Variants in PDZD2 observed in about 807,000 individuals in gnomAD.
PDZD2 encodes PDZ domain containing 2.
A neutral mutation model predicts 220.7 loss-of-function variants in PDZD2; 90 were observed. That is an observed-to-expected ratio of 0.41 (90% CI 0.34 to 0.49). The LOEUF is 0.49. Among genes scored for constraint, PDZD2 ranks in the 20% least tolerant of loss-of-function variants. The pLI is 0.28. For missense variants in PDZD2, 3,174 were observed against 3,608.5 expected (o/e 0.88, Z 3.08); for synonymous variants, 1,375 against 1,450.5 (o/e 0.95, Z 1.18).
At chr5:31,656,081 T>C (rs768460616) in intron 1 of PDZD2, among the ~76,000 whole-genome samples, 4 of 152,370 alleles carry the variant, frequency 2.6e-5, no homozygotes, top group Admixed American at 6.5e-5. Flanking sequence ...GAGTGTGTTC[T>C]TTGTTAATTT....
rs568686372 is a variant in PDZD2, at chr5:32,071,261, G to A, written c.2534-123G>A. ...ACGTCTAACCCTGTGCATGCAGCCC[G>A]TCATCAAGCAAAGGGAGTTTTGTTT... is the stretch of plus-strand genomic sequence containing the variant. On this transcript the variant is annotated intron_variant, in intron 15 of 24. Coordinates refer to ENST00000438447, the MANE Select transcript of PDZD2 (RefSeq NM_178140.4). 1,158 of 767,092 alleles carry A rather than the reference G, an allele frequency of 1.5e-3. 1 individual carries two copies. Among genetic ancestry groups the A allele is most frequent in the Non-Finnish European group, 2.4e-3 (1,015 of 421,698 alleles). 47.5% of individuals were successfully genotyped at this position (767,092 alleles called of 1,614,324 possible).
intron 24 of PDZD2, chr5:32,103,832 AG>A (rs1361592130): frequency 4.2e-4 from 64 of 152,450 alleles, no homozygotes; most frequent in African/African-American, 1.5e-3. Flanking sequence ...ACCCCACACT[AG>A]AAGAAGCCAC....
chr5:32,020,432 C>T lies in PDZD2; in HGVS notation c.1407+9950C>T, dbSNP rs1329193884. Among the ~76,000 whole-genome samples the T allele has an allele frequency of 2.6e-5, 4 of 152,196 alleles. No individual in the cohort carries two copies. The East Asian group carries it at 7.7e-4, about 29-fold the overall frequency. ...GAAGTGGGAACAGGGTAACGTGGCT[C>T]ATTTTTGCATCATGTATCTCAGGAT... On this transcript the variant is annotated intron_variant, in intron 6 of 24. Coordinates refer to ENST00000438447, the MANE Select transcript of PDZD2 (RefSeq NM_178140.4).
chr5:31,838,111 G>A (rs2150279692), intron 2 of PDZD2, among the ~76,000 whole-genome samples: 1 of 152,252 alleles, frequency 6.6e-6, no homozygotes, highest in East Asian at 1.9e-4. Flanking sequence ...CTGTTGGAGT[G>A]CAGTGGCATG....
At chr5:32,032,717 A>G (rs1755223120) in intron 6 of PDZD2, among the ~76,000 whole-genome samples, 1 of 152,206 alleles carries the variant, frequency 6.6e-6, no homozygotes, top group Admixed American at 6.5e-5. Flanking sequence ...GAAATCTGCC[A>G]CCTTTAGTCA....
At position 31,806,939 on chromosome 5, in the gene PDZD2, T is replaced by G. The variant is rs151096534; in HGVS notation, c.476+7215T>G. 7.7e-3 allele frequency among the ~76,000 whole-genome samples: 1,170 copies of G among 151,230 alleles called. 12 individuals are homozygous for G. Among genetic ancestry groups the G allele is most frequent in the African/African-American group, 0.027 (1,113 of 41,206 alleles). On this transcript the variant is annotated intron_variant, in intron 2 of 24. Transcript: ENST00000438447. Reference sequence around the variant, plus strand: ...AAACTTTGGGCGTCTTTGTTTTTTTTTTTTTTTTTTTTAAGACGGAGTTTC... The same window carrying G: ...AAACTTTGGGCGTCTTTGTTTTTTTGTTTTTTTTTTTTAAGACGGAGTTTC...
chr5:32,079,282 A>C (rs2112429110), intron 19 of PDZD2, among the ~76,000 whole-genome samples: 2 of 145,526 alleles, frequency 1.4e-5, no homozygotes, highest in African/African-American at 2.6e-5. Flanking sequence ...AAAAAAAACA[A>C]AAAAAAAAAA....
intron 1 of PDZD2, among the ~76,000 whole-genome samples, chr5:31,653,379 A>G (rs1306091780): frequency 1.3e-5 from 2 of 152,008 alleles, no homozygotes; most frequent in Admixed American, 1.3e-4. Flanking sequence ...AATGAGTGAG[A>G]TTAGCATCAG....
intron 2 of PDZD2, among the ~76,000 whole-genome samples, chr5:31,826,651 G>T (rs1023348478): frequency 1.3e-5 from 2 of 151,292 alleles, no homozygotes; most frequent in African/African-American, 4.9e-5. Flanking sequence ...ACTCCAGCCC[G>T]GGTGACAGAA....
At chr5:31,959,973 A>G (rs1748063907) in intron 2 of PDZD2, among the ~76,000 whole-genome samples, 1 of 151,730 alleles carries the variant, frequency 6.6e-6, no homozygotes, top group Admixed American at 6.6e-5. Flanking sequence ...ACCTTTTTCT[A>G]TCTCTGCCTG....
chr5:32,015,337 C>G (rs1446706815), intron 6 of PDZD2, among the ~76,000 whole-genome samples: 1 of 152,034 alleles, frequency 6.6e-6, no homozygotes, highest in African/African-American at 2.4e-5. Context: ...ACCTCAAACT[C>G]CTGGGCTCAA....
chr5:32,100,050 A>C (rs560489594), intron 23 of PDZD2: 2 of 152,362 alleles, frequency 1.3e-5, no homozygotes, highest in Admixed American at 6.5e-5. Context: ...GAAATGCCGC[A>C]GTGGGGGCCA....
At chr5:31,900,777 T>G (rs915005547) in intron 2 of PDZD2, among the ~76,000 whole-genome samples, 1 of 152,144 alleles carries the variant, frequency 6.6e-6, no homozygotes, top group African/African-American at 2.4e-5. Context: ...CTAGTTTTCC[T>G]TCCTTGAATT....
At chr5:31,842,183 CCTGT>C (rs1757352271) in intron 2 of PDZD2, among the ~76,000 whole-genome samples, 1 of 152,126 alleles carries the variant, frequency 6.6e-6, no homozygotes, top group Non-Finnish European at 1.5e-5. Context: ...CCATTTCATC[CCTGT>C]CTTAGCGGGG....
At chr5:31,655,741 G>C (rs542213107) in intron 1 of PDZD2, among the ~76,000 whole-genome samples, 2 of 151,874 alleles carry the variant, frequency 1.3e-5, no homozygotes, top group East Asian at 3.9e-4. Context: ...ATGAGGTATA[G>C]CCCAAGCACT....
At chr5:31,927,757 A>G (rs1744925663) in intron 2 of PDZD2, among the ~76,000 whole-genome samples, 1 of 152,068 alleles carries the variant, frequency 6.6e-6, no homozygotes, top group Non-Finnish European at 1.5e-5. Context: ...CAGAAGATCT[A>G]TGCTTATCTT....
intron 10 of PDZD2, among the ~76,000 whole-genome samples, chr5:32,056,326 T>C (rs78372339): frequency 0.018 from 2,423 of 135,308 alleles, 57 homozygotes; most frequent in African/African-American, 0.056. Context: ...TTCCTTGAAT[T>C]GTGCACACAG....
intron 2 of PDZD2, among the ~76,000 whole-genome samples, chr5:31,902,456 G>GT (rs1326646192): frequency 6.8e-6 from 1 of 146,110 alleles, no homozygotes; most frequent in Non-Finnish European, 1.5e-5. Context: ...TTATTGAATT[G>GT]TTAAAGGGTT....
chr5:31,947,690 G>A (rs1561159466), intron 2 of PDZD2, among the ~76,000 whole-genome samples: 1 of 152,194 alleles, frequency 6.6e-6, no homozygotes, highest in South Asian at 2.1e-4. Context: ...GGTGGCACAA[G>A]CCTGTGGTCC....
Sources: allele counts gnomAD v4.1 joint callset (sites outside exome capture counted in the v4.1 genomes callset), GRCh38; gene constraint gnomAD v4.1.1; transcripts MANE v1.5; gene names NCBI Gene and HGNC (gene_info 2026-07-23, HGNC 2026-07-21).